Variants in SPTBN5 observed in about 807,000 individuals in gnomAD.
The protein encoded by SPTBN5 is spectrin beta chain, non-erythrocytic 5.
SPTBN5 carries 513 observed loss-of-function variants against 477.6 expected under a neutral mutation model. The ratio of observed to expected loss-of-function variants is 1.07; its 90% CI spans 1.00 to 1.16. SPTBN5 has a LOEUF of 1.16. Ranked by LOEUF, SPTBN5 falls within the 50% of genes most tolerant of loss-of-function variation. The probability of loss-of-function intolerance (pLI) is 0.00; values close to 1 mark genes in which losing one functional copy is unlikely to be tolerated. For synonymous variants in SPTBN5, 2,169 were observed against 2,011.7 expected, an observed-to-expected ratio of 1.08 and a Z score of -2.09; for missense variants, 5,062 against 4,731.8, an observed-to-expected ratio of 1.07 and a Z score of -2.05.
In SPTBN5 at chr15:41,890,187, C is replaced by G. The variant is rs555382756; in HGVS notation, c.403G>C (p.Gly135Arg). The G allele has an allele frequency of 1.9e-6, 3 of 1,611,968 alleles. No homozygotes were observed. Among genetic ancestry groups the G allele is most frequent in the Non-Finnish European group, 2.5e-6 (3 of 1,179,058 alleles). The change falls in exon 4 of 68, where the codon GGG becomes CGG. Residue 135 changes from glycine (G) to arginine (R), a missense_variant. By Grantham distance (125) the Gly-to-Arg change is moderately radical. Coordinates refer to ENST00000320955, the MANE Select transcript of SPTBN5 (RefSeq NM_016642.4). Reference protein sequence around the residue: ...LRAKVPVPLIGPENIVDGDQT... With the variant: ...LRAKVPVPLIRPENIVDGDQT... ...TCTCCGTCCACGATGTTCTCTGGCC[C>G]GATGAGTGGTACTGGCACCTGTGGG...
intron 67 of SPTBN5, 99 bp from the exon 68 acceptor site, chr15:41,848,727 A>G: frequency 7.2e-7 from 1 of 1,395,408 alleles, no homozygotes; most frequent in East Asian, 2.3e-5. Context: ...TGGACCAGCC[A>G]GCCTCCTAGA....
chr15:41,868,915 G>A (rs1383326571), intron 32 of SPTBN5, among the ~76,000 whole-genome samples: 1 of 152,216 alleles, frequency 6.6e-6, no homozygotes, highest in East Asian at 1.9e-4. Flanking sequence ...CTGGCGGCTA[G>A]CAAGATCAGC....
intron 21 of SPTBN5, 98 bp downstream of exon 21, chr15:41,876,016 T>A (rs1446953100): frequency 6.9e-7 from 1 of 1,446,096 alleles, no homozygotes; most frequent in East Asian, 2.4e-5. Context: ...CTGAGGCTGA[T>A]TTTTCCTTCA....
chr15:41,882,572 G>T lies in SPTBN5; in HGVS notation c.2046+13C>A. The stretch of plus-strand genomic sequence containing the variant: ...GCGCTGGCGACCGGCGGGCGCGCTC[G>T]GGGAGCTGACACCTTGTGTTTCTGC... On this transcript the variant is annotated intron_variant, in intron 10 of 67. Transcript: ENST00000320955. 1 of 1,586,992 alleles carries T rather than the reference G, an allele frequency of 6.3e-7. No homozygotes were observed.
In SPTBN5 at chr15:41,865,876, C is replaced by T; in HGVS notation, c.6850G>A (p.Gly2284Ser). The T allele has an allele frequency of 6.3e-7, 1 of 1,583,962 alleles. No individual in the cohort carries two copies. Among genetic ancestry groups the T allele is most frequent in the Non-Finnish European group, 8.6e-7 (1 of 1,165,616 alleles). Reference protein sequence around the residue: ...KEVKMNVGDLGQDLEHCLQLR... With the variant: ...KEVKMNVGDLSQDLEHCLQLR... ...TGCAGGCAGTGCTCCAGGTCCTGGC[C>T]CAGGTCACCAACATTCATCTTCACC... The change falls in exon 39 of 68, where the codon GGC (glycine) becomes AGC (serine). Residue 2284 changes from glycine (G) to serine (S), a missense_variant. Physicochemically the swap from Gly to Ser is moderately conservative, Grantham distance 56 (BLOSUM62 0). Coordinates refer to ENST00000320955, the MANE Select transcript of SPTBN5 (RefSeq NM_016642.4).
In SPTBN5 at chr15:41,866,954, C is replaced by T; in HGVS notation, c.6480+5G>A. 1 of 1,572,112 alleles carries T rather than the reference C, an allele frequency of 6.4e-7. No homozygotes were observed. The highest frequency in any genetic ancestry group is 1.3e-5 in the African/African-American group (1 of 74,108). On this transcript the variant is annotated splice_donor_5th_base_variant and intron_variant, in intron 36 of 67. Coordinates refer to ENST00000320955, the MANE Select transcript of SPTBN5 (RefSeq NM_016642.4). The stretch of plus-strand genomic sequence containing the variant: ...GAAGGCCCTGGGCTGGGGGTGCCCT[C>T]TGACCTGGGTTGCGGCCTGGGTGAA...
At position 41,854,784 on chromosome 15, in the gene SPTBN5, CTG is replaced by C; in HGVS notation, c.9614_9615del (p.Thr3205ArgfsTer8). On this transcript the variant is annotated frameshift_variant, in exon 56 of 68. Transcript: ENST00000320955. LOFTEE classifies it high-confidence loss of function. ...TGGCCCGGCCTGTGATCACCTACCT[CTG>C]TGCGGGCTTTTATTGCTTGGTCCAA... ...ERLDQAIKAR[T>X]ENLAAAHEVH... The C allele has an allele frequency of 6.5e-7, 1 of 1,532,124 alleles. No homozygotes were observed. The highest frequency in any genetic ancestry group is 8.8e-7 in the Non-Finnish European group (1 of 1,138,452). 94.9% of individuals were successfully genotyped at this position (1,532,124 alleles called of 1,614,324 possible).
At position 41,867,426 on chromosome 15, in the gene SPTBN5, G is replaced by C. The variant is rs569019424; in HGVS notation, c.6312+112C>G. 4 of 1,060,776 alleles carry C rather than the reference G, an allele frequency of 3.8e-6. No individual in the cohort carries two copies. In the Admixed American group the frequency reaches 5.5e-5, roughly 15 times the overall value. 65.7% of individuals were successfully genotyped at this position (1,060,776 alleles called of 1,614,324 possible). A position where few individuals can be genotyped will look rare whatever the true frequency, so the allele number is the denominator to read the frequency against. On this transcript the variant is annotated intron_variant, in intron 35 of 67. Transcript: ENST00000320955. The stretch of plus-strand genomic sequence containing the variant: ...CAACCCCAACCAGGACCCCAGCCTT[G>C]CAGGCTCATCAGCACTGCCTCCAGG...
chr15:41,880,514 C>T (rs911597627), intron 13 of SPTBN5, among the ~76,000 whole-genome samples: 3 of 152,228 alleles, frequency 2.0e-5, no homozygotes, highest in Admixed American at 6.5e-5. Context: ...ATGGCAAGGG[C>T]TTAGGGAAGG....
Position 41,878,336 on chromosome 15 carries a change from C to G in SPTBN5, c.3470+6G>C. 6.2e-7 allele frequency: 1 copy of G among 1,613,252 alleles called. No individual in the cohort carries two copies. Among genetic ancestry groups the G allele is most frequent in the East Asian group, 2.2e-5 (1 of 44,866 alleles). ...AAGTGCACCCCTTCTGCCCTCCTGT[C>G]CTGACCTCTCCTGCCACAGGTGGAT... On this transcript the variant is annotated splice_donor_region_variant and intron_variant, in intron 17 of 67. Transcript: ENST00000320955.
In SPTBN5 at chr15:41,879,383, A is replaced by G. The variant is rs2066867738; in HGVS notation, c.3059T>C (p.Leu1020Pro). 1.2e-6 allele frequency: 2 copies of G among 1,610,560 alleles called. No individual in the cohort carries two copies. The highest frequency in any genetic ancestry group is 2.2e-5 in the South Asian group (2 of 91,056). The change falls in exon 16 of 68, where the codon CTC becomes CCC. Residue 1020 changes from leucine to proline, a missense_variant. Coordinates refer to ENST00000320955, the MANE Select transcript of SPTBN5 (RefSeq NM_016642.4). ...TGGCTGCAGGGCCTCCAGCTGGAGG[A>G]GCACGTCTCGCAGCTGGACCTGTGT... The part of the protein sequence containing the change: ...GPTQVQLRDV[L>P]LQLEALQPGS...
In SPTBN5 at chr15:41,852,663, C is replaced by T. The variant is rs772018899; in HGVS notation, c.10420G>A (p.Glu3474Lys). 1.9e-6 allele frequency: 3 copies of T among 1,613,520 alleles called. No individual in the cohort carries two copies. Among genetic ancestry groups the T allele is most frequent in the Non-Finnish European group, 2.5e-6 (3 of 1,179,894 alleles). ...GTCTTTTGCATTTGGGCAAACTTCT[C>T]TTCCTGGGCTGCCAGCAGCTTTTCT... ...DLEKLLAAQEEKFAQMQKTEM... is the reference protein window; with the variant it reads ...DLEKLLAAQEKKFAQMQKTEM... Residue 3474 changes from glutamate to lysine, a missense_variant, in exon 61 of 68, where the codon GAG (glutamate) becomes AAG (lysine). Coordinates refer to ENST00000320955, the MANE Select transcript of SPTBN5 (RefSeq NM_016642.4).
chr15:41,869,237 T>A (rs894702169), intron 32 of SPTBN5, among the ~76,000 whole-genome samples: 1 of 152,218 alleles, frequency 6.6e-6, no homozygotes, highest in East Asian at 1.9e-4. Context: ...AAGCTCACAC[T>A]GCTAGCAAAT....
intron 47 of SPTBN5, 100 bp downstream of exon 47, chr15:41,860,486 G>A: frequency 7.9e-7 from 1 of 1,269,394 alleles, no homozygotes; most frequent in Non-Finnish European, 1.0e-6. Flanking sequence ...AGGCTGGTGA[G>A]CCTGGGCCAA....
intron 4 of SPTBN5, among the ~76,000 whole-genome samples, chr15:41,889,216 A>T (rs2067241724): frequency 6.6e-6 from 1 of 152,054 alleles, no homozygotes. Context: ...CTTCAAATAG[A>T]TGCTCAGCCT....
At chr15:41,873,358 G>A in intron 26 of SPTBN5, 134 bp downstream of exon 26, 1 of 681,178 alleles carries the variant, frequency 1.5e-6, no homozygotes, top group Non-Finnish European at 2.5e-6. Context: ...GGTGGGAAGT[G>A]GGGATGGGGC....
At chr15:41,855,867 C>G in intron 53 of SPTBN5, 122 bp from the exon 54 acceptor site, 5 of 1,058,512 alleles carry the variant, frequency 4.7e-6, no homozygotes, top group Non-Finnish European at 6.6e-6. Flanking sequence ...GCTCCCTCAG[C>G]CTGGCCCCAC....
At position 41,862,804 on chromosome 15, in the gene SPTBN5, G is replaced by T; in HGVS notation, c.7249C>A (p.Gln2417Lys). 1 of 1,575,728 alleles carries T rather than the reference G, an allele frequency of 6.3e-7. No individual in the cohort carries two copies. ...CAGCTACGCACCTCCACCTGGGCCT[G>T]GATGGGGTGCACTTCCCGCTCCAGC... ...EELEREVHPI[Q>K]AQVESLEREV... The change falls in exon 42 of 68, where the codon CAG (glutamine) becomes AAG (lysine). Residue 2417 changes from glutamine (Q) to lysine (K), a missense_variant. Gln to Lys is a moderately conservative substitution (Grantham distance 53). Transcript: ENST00000320955.
chr15:41,848,600 T>TG lies in SPTBN5; in HGVS notation c.*15dup. The TG allele has an allele frequency of 6.2e-7, 1 of 1,613,930 alleles. No homozygotes were observed. Among genetic ancestry groups the TG allele is most frequent in the African/African-American group, 1.3e-5 (1 of 75,058 alleles). ...CGCTTGTGCCCCTGAAGTTTGGTGT[T>TG]GCACTGGGGTTCACCTCAGGGATCA... is the stretch of plus-strand genomic sequence containing the variant. On this transcript the variant is annotated 3_prime_UTR_variant, in exon 68 of 68. Transcript: ENST00000320955.
Sources: gnomAD v4.1 joint callset for allele counts (sites outside exome capture counted in the v4.1 genomes callset) on GRCh38, gnomAD v4.1.1 for gene constraint, MANE v1.5 for transcripts, NCBI Gene and HGNC (gene_info 2026-07-23, HGNC 2026-07-21) for gene names.